RBPJ: variants seen among roughly 807,000 people sequenced by gnomAD.
RBPJ encodes the protein recombining binding protein suppressor of hairless.
Under a neutral mutation model 67.8 loss-of-function variants are expected in RBPJ, and 9 were observed. The ratio of observed to expected loss-of-function variants is 0.13; its 90% CI spans 0.08 to 0.23. The LOEUF (loss-of-function observed/expected upper bound fraction) is 0.23. RBPJ is among the 10% of genes least tolerant of loss of function. The pLI, the probability that RBPJ is intolerant of heterozygous loss-of-function variation, is 1.00. For synonymous variants in RBPJ, 198 were observed against 203.3 expected (o/e 0.97, Z 0.22); for missense variants, 305 against 595.6 (o/e 0.51, Z 5.08).
chr4:26,396,610 G>A (rs1241851680), intron 2 of RBPJ, among the ~76,000 whole-genome samples: 1 of 152,250 alleles, frequency 6.6e-6, no homozygotes, highest in Non-Finnish European at 1.5e-5. Flanking sequence ...ACACAGATGT[G>A]TTGATGACCC....
At chr4:26,349,422 T>C (rs1726569158) in intron 1 of RBPJ, among the ~76,000 whole-genome samples, 1 of 152,196 alleles carries the variant, frequency 6.6e-6, no homozygotes, top group Admixed American at 6.5e-5. Context: ...ATATCACTTC[T>C]TTTTATCTTT....
In RBPJ at chr4:26,404,004, AG is replaced by A. The variant is rs372650830; in HGVS notation, c.60-2170del. Reference sequence around the variant, plus strand: ...TGAACTAATTTACGCTACCACCAACAGTGTATAAATGTTCCCTTTTCTCCAC... The same window carrying A: ...TGAACTAATTTACGCTACCACCAACATGTATAAATGTTCCCTTTTCTCCAC... On this transcript the variant is annotated intron_variant, in intron 2 of 10. Transcript: ENST00000355476. 1.8e-4 allele frequency among the ~76,000 whole-genome samples: 28 copies of A among 152,312 alleles called. No homozygotes were observed. The East Asian group carries it at 4.2e-3, about 23-fold the overall frequency.
chr4:26,133,930 A>G, the RBPJ span, among the ~76,000 whole-genome samples: 3 of 152,166 alleles, frequency 2.0e-5, no homozygotes, highest in African/African-American at 7.2e-5. Flanking sequence ...TGAAGGAAGG[A>G]AACAGAGGGT....
At chr4:26,425,405 C>T (rs1223990247) in intron 7 of RBPJ, among the ~76,000 whole-genome samples, 2 of 151,888 alleles carry the variant, frequency 1.3e-5, no homozygotes, top group Non-Finnish European at 2.9e-5. Context: ...CTCAGGAGTT[C>T]GAGACTAGTC....
chr4:26,197,238 A>C (rs1196569143), intron 1 of RBPJ, among the ~76,000 whole-genome samples: 2 of 152,104 alleles, frequency 1.3e-5, no homozygotes, highest in African/African-American at 4.8e-5. Flanking sequence ...GATAAGATCT[A>C]CTCAGCACTT....
At chr4:26,333,561 A>T (rs1421645566) in intron 1 of RBPJ, among the ~76,000 whole-genome samples, 9 of 152,140 alleles carry the variant, frequency 5.9e-5, no homozygotes, top group African/African-American at 1.7e-4. Flanking sequence ...AATTAAAAAA[A>T]ATTTTTTTTT....
chr4:26,325,797 C>T (rs971337783), intron 1 of RBPJ, among the ~76,000 whole-genome samples: 4 of 152,114 alleles, frequency 2.6e-5, no homozygotes, highest in Admixed American at 6.6e-5. Context: ...CAGTTTAATG[C>T]GTTCTTGTGT....
chr4:26,320,879 C>T, upstream of RBPJ: 3 of 1,580,336 alleles, frequency 1.9e-6, no homozygotes, highest in South Asian at 3.5e-5. Context: ...AGGCGTCTGG[C>T]TCTTCGCGGC....
chr4:26,337,207 G>A (rs545489861), intron 1 of RBPJ, among the ~76,000 whole-genome samples: 1 of 151,490 alleles, frequency 6.6e-6, no homozygotes, highest in Non-Finnish European at 1.5e-5. Flanking sequence ...CTGACTTCAG[G>A]TCGTCCTCCT....
intron 3 of RBPJ, among the ~76,000 whole-genome samples, chr4:26,414,696 G>C (rs1017874390): frequency 6.6e-6 from 1 of 152,152 alleles, no homozygotes; most frequent in African/African-American, 2.4e-5. Flanking sequence ...CTTTGCAATA[G>C]ATAATATTTT....
chr4:26,403,773 TC>T (rs1361573308), intron 2 of RBPJ, among the ~76,000 whole-genome samples: 1 of 152,190 alleles, frequency 6.6e-6, no homozygotes, highest in African/African-American at 2.4e-5. Flanking sequence ...ACTTTCTTTT[TC>T]CAGTCTGTCA....
chr4:26,155,810 C>T, the RBPJ span, among the ~76,000 whole-genome samples: 6 of 152,192 alleles, frequency 3.9e-5, no homozygotes, highest in Non-Finnish European at 4.4e-5. Context: ...AGAAAACCTG[C>T]AGGTTCAGTG....
rs1422865048 is a variant in RBPJ at position 26,434,433 on chromosome 4, C to T, written c.*3426C>T. 6.6e-6 allele frequency: 1 copy of T among 152,058 alleles called. No homozygotes were observed. Among genetic ancestry groups the T allele is most frequent in the Non-Finnish European group, 1.5e-5 (1 of 67,964 alleles). 9.4% of individuals were successfully genotyped at this position (152,058 alleles called of 1,614,324 possible). ...TGCTGTTCAGTTAGTAACCAAGTTA[C>T]TTTGATTGCAAAAGCAGCTGTGTTT... is the stretch of plus-strand genomic sequence containing the variant. On this transcript the variant is annotated 3_prime_UTR_variant, in exon 11 of 11. Coordinates refer to ENST00000355476, the MANE Select transcript of RBPJ (RefSeq NM_015874.6).
At chr4:26,110,036 A>G in the RBPJ span, among the ~76,000 whole-genome samples, 2 of 152,140 alleles carry the variant, frequency 1.3e-5, no homozygotes, top group Non-Finnish European at 2.9e-5. This position sits in a 1 kb window ranked among gnomAD's most constrained non-coding sequence, Gnocchi z 4.5. Flanking sequence ...AAGGAGATCC[A>G]TCCAGTGTAA....
the RBPJ span, among the ~76,000 whole-genome samples, chr4:26,109,016 G>T: frequency 6.6e-6 from 1 of 151,780 alleles, no homozygotes; most frequent in Non-Finnish European, 1.5e-5. Context: ...CACCCAGGCT[G>T]ATCCCTCATT....
chr4:26,294,157 G>A (rs1468053847), intron 1 of RBPJ, among the ~76,000 whole-genome samples: 8 of 151,716 alleles, frequency 5.3e-5, no homozygotes, highest in Non-Finnish European at 1.2e-4. Context: ...GAGTGCAGTG[G>A]CACCATCTCA....
At chr4:26,342,311 G>A (rs1317933914) in intron 1 of RBPJ, among the ~76,000 whole-genome samples, 1 of 151,448 alleles carries the variant, frequency 6.6e-6, no homozygotes, top group Non-Finnish European at 1.5e-5. Context: ...TAGCCAGGAG[G>A]TCTCTAGTTG....
chr4:26,153,974 C>T, the RBPJ span, among the ~76,000 whole-genome samples: 1 of 152,066 alleles, frequency 6.6e-6, no homozygotes. Context: ...GATTTTGGAA[C>T]ATTTGAGATT....
chr4:26,404,595 T>G (rs1560328347), intron 2 of RBPJ, among the ~76,000 whole-genome samples: 3 of 152,182 alleles, frequency 2.0e-5, no homozygotes, highest in Non-Finnish European at 4.4e-5. Context: ...GGCATGACAA[T>G]CAAAATGGTG....
Sources: allele counts gnomAD v4.1 joint callset (sites outside exome capture counted in the v4.1 genomes callset), GRCh38; gene constraint gnomAD v4.1.1; non-coding constraint Gnocchi (gnomAD v3.1); transcripts MANE v1.5; gene names NCBI Gene and HGNC (gene_info 2026-07-23, HGNC 2026-07-21).